Variants in UBE2QL1 observed in about 807,000 individuals in gnomAD.
The protein encoded by UBE2QL1 is ubiquitin conjugating enzyme E2 QL1.
A neutral mutation model predicts 12.6 loss-of-function variants in UBE2QL1; 5 were observed. The ratio of observed to expected loss-of-function variants is 0.40; its 90% CI spans 0.21 to 0.83. The LOEUF (loss-of-function observed/expected upper bound fraction) is 0.83, where lower values mean the gene tolerates loss of function less well. Among genes scored for constraint, UBE2QL1 ranks in the 40% least tolerant of loss-of-function variants. The probability of loss-of-function intolerance (pLI) is 0.37; values close to 1 mark genes in which losing one functional copy is unlikely to be tolerated. For missense variants in UBE2QL1, 99 were observed against 222.6 expected, an observed-to-expected ratio of 0.44 and a Z score of 3.53; for synonymous variants, 96 against 94.5, an observed-to-expected ratio of 1.02 and a Z score of -0.10.
At chr5:6,465,004 T>G (rs77286748) in intron 1 of UBE2QL1, among the ~76,000 whole-genome samples, 1 of 151,986 alleles carries the variant, frequency 6.6e-6, no homozygotes, top group South Asian at 2.1e-4. Flanking sequence ...TTTTTTTTTT[T>G]TGAGACTGAG....
At chr5:6,470,762 C>T (rs918554600) in intron 1 of UBE2QL1, among the ~76,000 whole-genome samples, 24 of 152,216 alleles carry the variant, frequency 1.6e-4, no homozygotes, top group African/African-American at 5.8e-4. Flanking sequence ...AAACAACCCA[C>T]GGGGACTGTC....
rs1055235494 is a variant in UBE2QL1, at chr5:6,479,659, C to CG, written c.355-11554dup. Among the ~76,000 whole-genome samples the CG allele has an allele frequency of 9.9e-5, 15 of 152,222 alleles. No homozygotes were observed. The highest frequency in any genetic ancestry group is 4.2e-4 in the South Asian group (2 of 4,818). ...GATCTCACAAGGAGAAAACACAGAC[C>CG]GGGGGTCTCCTTTGTGCTGAGTAAG... On this transcript the variant is annotated intron_variant, in intron 1 of 1. Coordinates refer to ENST00000399816, the MANE Select transcript of UBE2QL1 (RefSeq NM_001145161.3). This position sits in a 1 kb window ranked among gnomAD's most constrained non-coding sequence, Gnocchi z 4.2.
At chr5:6,460,405 A>G (rs1739626804) in intron 1 of UBE2QL1, among the ~76,000 whole-genome samples, 1 of 152,228 alleles carries the variant, frequency 6.6e-6, no homozygotes, top group East Asian at 1.9e-4. Context: ...ATGCACACAG[A>G]TATCTGCTTT....
In UBE2QL1 at chr5:6,481,285, C is replaced by T. The variant is rs1467776896; in HGVS notation, c.355-9933C>T. Among the ~76,000 whole-genome samples, 4 of 152,226 alleles carry T rather than the reference C, an allele frequency of 2.6e-5. No individual in the cohort carries two copies. The highest frequency in any genetic ancestry group is 7.2e-5 in the African/African-American group (3 of 41,460). ...GCTCCTAAGACAGCGTCTCTCTCTG[C>T]AGGCCTGGCCCCGGGTCACTTGGCA... On this transcript the variant is annotated intron_variant, in intron 1 of 1. Coordinates refer to ENST00000399816, the MANE Select transcript of UBE2QL1 (RefSeq NM_001145161.3). This position sits in a 1 kb window ranked among gnomAD's most constrained non-coding sequence, Gnocchi z 4.5.
At chr5:6,488,520 C>T (rs567849533) in intron 1 of UBE2QL1, among the ~76,000 whole-genome samples, 18 of 151,816 alleles carry the variant, frequency 1.2e-4, no homozygotes, top group Admixed American at 8.5e-4. Flanking sequence ...TGATGCTGGC[C>T]GGGCACACTG....
chr5:6,488,455 G>T (rs1278083172), intron 1 of UBE2QL1, among the ~76,000 whole-genome samples: 1 of 109,176 alleles, frequency 9.2e-6, no homozygotes, highest in Non-Finnish European at 1.7e-5. Context: ...ATGCATTTTC[G>T]CCAAAAAAAA....
At chr5:6,483,448 A>G (rs926740304) in intron 1 of UBE2QL1, among the ~76,000 whole-genome samples, 1 of 138,060 alleles carries the variant, frequency 7.2e-6, no homozygotes, top group African/African-American at 3.5e-5. Context: ...AAAATAAGAA[A>G]AAAAAAAAAA....
At chr5:6,453,209 CTG>C (rs1215992084) in intron 1 of UBE2QL1, among the ~76,000 whole-genome samples, 1 of 152,158 alleles carries the variant, frequency 6.6e-6, no homozygotes, top group Non-Finnish European at 1.5e-5. Context: ...GGTGAGGAAA[CTG>C]TAGTTTCACA....
chr5:6,477,243 C>T (rs1260068663), intron 1 of UBE2QL1, among the ~76,000 whole-genome samples: 2 of 152,246 alleles, frequency 1.3e-5, no homozygotes, highest in Non-Finnish European at 2.9e-5. Flanking sequence ...TGACCTCCTC[C>T]CAGTCACCCT....
chr5:6,488,924 G>A (rs897506376), intron 1 of UBE2QL1, among the ~76,000 whole-genome samples: 1 of 152,156 alleles, frequency 6.6e-6, no homozygotes, highest in Non-Finnish European at 1.5e-5. Context: ...TGATGATTAT[G>A]AATATATTAG....
chr5:6,468,797 C>A (rs1739847832), intron 1 of UBE2QL1, among the ~76,000 whole-genome samples: 1 of 152,146 alleles, frequency 6.6e-6, no homozygotes, highest in Admixed American at 6.5e-5. Context: ...AAACAAGCAC[C>A]TACCAGAGTG....
At chr5:6,462,665 A>G (rs1259866525) in intron 1 of UBE2QL1, among the ~76,000 whole-genome samples, 1 of 152,204 alleles carries the variant, frequency 6.6e-6, no homozygotes, top group Admixed American at 6.5e-5. Flanking sequence ...TGGAGGGCTC[A>G]AGGAAGAAAA....
intron 1 of UBE2QL1, among the ~76,000 whole-genome samples, chr5:6,452,270 T>G (rs181049266): frequency 4.7e-4 from 71 of 152,348 alleles, no homozygotes; most frequent in Admixed American, 3.9e-3. Context: ...GTGAGGCTTT[T>G]AAGAGACTCT....
chr5:6,487,278 A>C (rs944414494), intron 1 of UBE2QL1, among the ~76,000 whole-genome samples: 6 of 152,242 alleles, frequency 3.9e-5, no homozygotes, highest in African/African-American at 1.4e-4. Flanking sequence ...AAAGGCCATA[A>C]GGGAAAAAAA....
intron 1 of UBE2QL1, among the ~76,000 whole-genome samples, chr5:6,467,007 C>T (rs1382597692): frequency 1.3e-5 from 2 of 152,170 alleles, no homozygotes; most frequent in Non-Finnish European, 2.9e-5. Flanking sequence ...TGAGGCTTTG[C>T]TGTTTATTTT....
At chr5:6,456,356 G>A (rs947525682) in intron 1 of UBE2QL1, among the ~76,000 whole-genome samples, 7 of 152,152 alleles carry the variant, frequency 4.6e-5, no homozygotes, top group Admixed American at 3.9e-4. Flanking sequence ...GATGTTCTTA[G>A]AGGAAACACT....
At chr5:6,467,938 G>T (rs80029268) in intron 1 of UBE2QL1, among the ~76,000 whole-genome samples, 1 of 151,724 alleles carries the variant, frequency 6.6e-6, no homozygotes, top group Admixed American at 6.6e-5. Context: ...TATCTCTTAC[G>T]CCTGACTTTT....
chr5:6,477,047 G>T (rs1416071070), intron 1 of UBE2QL1, among the ~76,000 whole-genome samples: 1 of 152,100 alleles, frequency 6.6e-6, no homozygotes, highest in African/African-American at 2.4e-5. Flanking sequence ...GGTGCCCTGG[G>T]GAGGGACAGG....
At chr5:6,449,868 A>ACCCCC (rs5865654) in intron 1 of UBE2QL1, among the ~76,000 whole-genome samples, 10 of 117,102 alleles carry the variant, frequency 8.5e-5, no homozygotes, top group African/African-American at 1.7e-4. Flanking sequence ...CACCTCCCCA[A>ACCCCC]CCCCCCCCAC....
Sources: allele counts gnomAD v4.1 joint callset (sites outside exome capture counted in the v4.1 genomes callset), GRCh38; gene constraint gnomAD v4.1.1; non-coding constraint Gnocchi (gnomAD v3.1); transcripts MANE v1.5; gene names NCBI Gene and HGNC (gene_info 2026-07-23, HGNC 2026-07-21).